ANKRD35: variants seen among roughly 807,000 people sequenced by gnomAD.
The protein encoded by ANKRD35 is ankyrin repeat domain 35.
Under a neutral mutation model 109.9 loss-of-function variants are expected in ANKRD35, and 102 were observed. That is an observed-to-expected ratio of 0.93 (90% CI 0.79 to 1.09). ANKRD35 has a LOEUF of 1.09. Ranked by LOEUF, ANKRD35 falls within the 50% of genes least tolerant of loss-of-function variation. The probability of loss-of-function intolerance (pLI) is 0.00; values close to 1 mark genes in which losing one functional copy is unlikely to be tolerated. For missense variants in ANKRD35, 1,240 were observed against 1,230.1 expected (o/e 1.01, Z -0.12); for synonymous variants, 515 against 512.4 (o/e 1.01, Z -0.07).
In ANKRD35 at chr1:145,885,712, G is replaced by C; in HGVS notation, c.39+8C>G. 1 of 1,614,046 alleles carries C rather than the reference G, an allele frequency of 6.2e-7. No homozygotes were observed. The highest frequency in any genetic ancestry group is 2.2e-5 in the East Asian group (1 of 44,874). ...CAACCCCATCCTCCCACACATTTTG[G>C]CACCTACCGCCACCTGTGTGCTGGA... On this transcript the variant is annotated splice_region_variant and intron_variant, in intron 1 of 13. Transcript: ENST00000355594.
At chr1:145,885,569 A>C in intron 1 of ANKRD35, 151 bp downstream of exon 1, 1 of 906,750 alleles carries the variant, frequency 1.1e-6, no homozygotes, top group Non-Finnish European at 1.8e-6. Context: ...GTCTTGAGGA[A>C]GGCAAAGCTG....
In ANKRD35 at chr1:145,873,666, C is replaced by T. The variant is rs1192713242; in HGVS notation, c.1103G>A (p.Gly368Asp). 3 of 1,614,030 alleles carry T rather than the reference C, an allele frequency of 1.9e-6. No individual in the cohort carries two copies. The highest frequency in any genetic ancestry group is 2.5e-6 in the Non-Finnish European group (3 of 1,180,044). ...QGSSLRPGGDGMEQGCPKDLL... is the reference protein window; with the variant it reads ...QGSSLRPGGDDMEQGCPKDLL... ...GTCCTTAGGACAACCCTGCTCCATG[C>T]CATCCCCTCCAGGCCGGAGACTAGA... is the stretch of plus-strand genomic sequence containing the variant. The change falls in exon 10 of 14, where the codon GGC (glycine) becomes GAC (aspartate). Residue 368 changes from glycine to aspartate, a missense_variant. Coordinates refer to ENST00000355594, the MANE Select transcript of ANKRD35 (RefSeq NM_144698.5).
chr1:145,882,030 C>T (rs1456237092), intron 1 of ANKRD35, among the ~76,000 whole-genome samples: 2 of 143,506 alleles, frequency 1.4e-5, no homozygotes, highest in African/African-American at 5.2e-5. Context: ...TCTCGGCTCA[C>T]TGCAACCTCC....
chr1:145,874,307 A>C, intron 8 of ANKRD35, 115 bp from the exon 9 acceptor site: 22 of 1,126,124 alleles, frequency 2.0e-5, no homozygotes, highest in Non-Finnish European at 2.5e-5. Flanking sequence ...GATCAATCTC[A>C]CTGCACATCT....
intron 10 of ANKRD35, 136 bp from the exon 11 acceptor site, chr1:145,868,536 GCTTTT>G: frequency 2.8e-6 from 2 of 702,890 alleles, no homozygotes; most frequent in Non-Finnish European, 4.8e-6. Context: ...ACTCAAAACA[GCTTTT>G]CTTCTGTGTG....
Position 145,874,141 on chromosome 1 carries a change from A to G in ANKRD35, c.783+14T>C. 9 of 1,614,150 alleles carry G rather than the reference A, an allele frequency of 5.6e-6. No homozygotes were observed. The highest frequency in any genetic ancestry group is 6.8e-6 in the Non-Finnish European group (8 of 1,179,980). ...TGTGTCAAAAGCAAAAGGGGGAGGC[A>G]CTTAGGGTCTTACCTGGGATGCGAG... is the stretch of plus-strand genomic sequence containing the variant. On this transcript the variant is annotated intron_variant, in intron 9 of 13. Transcript: ENST00000355594.
intron 1 of ANKRD35, among the ~76,000 whole-genome samples, chr1:145,882,681 G>A (rs147231610): frequency 6.6e-6 from 1 of 152,186 alleles, no homozygotes; most frequent in East Asian, 1.9e-4. Flanking sequence ...TTTAGAATGG[G>A]TAGAAACTTT....
At chr1:145,870,862 G>T (rs1172426792) in intron 10 of ANKRD35, among the ~76,000 whole-genome samples, 6 of 152,006 alleles carry the variant, frequency 3.9e-5, no homozygotes, top group Non-Finnish European at 7.4e-5. Flanking sequence ...GGGATTACAG[G>T]CACATGCCAC....
In ANKRD35 at chr1:145,878,440, C is replaced by T. The variant is rs1156439827; in HGVS notation, c.210G>A (p.Leu70=). The change falls in exon 3 of 14, where the codon CTG becomes CTA. Residue 70 remains leucine (L), a synonymous_variant. Coordinates refer to ENST00000355594, the MANE Select transcript of ANKRD35 (RefSeq NM_144698.5). The part of the protein sequence containing the change: ...LAASKGLTEC[L]TILLANGADI... ...CAGCCCCATTTGCAAGCAGGATAGTCAGACATTCTGTCAGGCCTTTGGAGG... is the reference window on the plus strand; with the variant it reads ...CAGCCCCATTTGCAAGCAGGATAGTTAGACATTCTGTCAGGCCTTTGGAGG... The T allele has an allele frequency of 6.4e-7, 1 of 1,573,254 alleles. No homozygotes were observed. The highest frequency in any genetic ancestry group is 8.6e-7 in the Non-Finnish European group (1 of 1,158,214).
intron 4 of ANKRD35, among the ~76,000 whole-genome samples, 196 bp downstream of exon 4, chr1:145,877,772 C>A (rs1257977534): frequency 6.6e-6 from 1 of 152,182 alleles, no homozygotes; most frequent in Non-Finnish European, 1.5e-5. Context: ...ATAACCTGCC[C>A]TCAAAGGCAC....
intron 10 of ANKRD35, among the ~76,000 whole-genome samples, chr1:145,869,724 C>T (rs1160872542): frequency 1.3e-5 from 2 of 152,206 alleles, no homozygotes; most frequent in African/African-American, 4.8e-5. Flanking sequence ...CCACCTTGGC[C>T]TCCCAAAGTG....
chr1:145,873,853 G>T lies in ANKRD35; in HGVS notation c.916C>A (p.Arg306=), dbSNP rs368255162. The change falls in exon 10 of 14, where the codon CGG becomes AGG. Residue 306 remains arginine, a synonymous_variant. Coordinates refer to ENST00000355594, the MANE Select transcript of ANKRD35 (RefSeq NM_144698.5). ...TGCTCCAGCCGAACAACTTTCCTCCGCTCCTCTTCATACTTCCACCTCCAC... is the reference window on the plus strand; with the variant it reads ...TGCTCCAGCCGAACAACTTTCCTCCTCTCCTCTTCATACTTCCACCTCCAC... ...EEWRWKYEEE[R]RKVVRLEQEL... The T allele has an allele frequency of 5.6e-6, 9 of 1,612,874 alleles. No homozygotes were observed. The highest frequency in any genetic ancestry group is 7.6e-6 in the Non-Finnish European group (9 of 1,179,426).
chr1:145,883,581 CT>C (rs1180841065), intron 1 of ANKRD35, among the ~76,000 whole-genome samples: 1 of 152,222 alleles, frequency 6.6e-6, no homozygotes, highest in African/African-American at 2.4e-5. Flanking sequence ...ATGATCACTG[CT>C]TTTTCAGTCC....
chr1:145,878,564 G>T, intron 2 of ANKRD35, 85 bp from the exon 3 acceptor site: 2 of 1,282,074 alleles, frequency 1.6e-6, no homozygotes, highest in South Asian at 1.3e-5. Flanking sequence ...TTCTTGCTAT[G>T]CTCCCTACCC....
At chr1:145,875,296 C>T (rs1654026429) in intron 7 of ANKRD35, among the ~76,000 whole-genome samples, 1 of 151,890 alleles carries the variant, frequency 6.6e-6, no homozygotes, top group Non-Finnish European at 1.5e-5. Flanking sequence ...CAGGCATGCA[C>T]CACCACACCC....
At chr1:145,867,864 C>G in intron 12 of ANKRD35, 127 bp downstream of exon 12, 1 of 865,632 alleles carries the variant, frequency 1.2e-6, no homozygotes, top group East Asian at 2.5e-5. Context: ...AGACCTAGCA[C>G]TGGATCCAGC....
At chr1:145,885,319 C>A (rs1654437730) in intron 1 of ANKRD35, among the ~76,000 whole-genome samples, 1 of 151,918 alleles carries the variant, frequency 6.6e-6, no homozygotes, top group South Asian at 2.1e-4. Flanking sequence ...GGCTCTGGGG[C>A]ATGACTTGGT....
intron 3 of ANKRD35, 35 bp downstream of exon 3, chr1:145,878,356 G>A (rs1553740511): frequency 1.3e-6 from 2 of 1,545,696 alleles, no homozygotes; most frequent in Admixed American, 2.0e-5. Context: ...CCAGGGGCAA[G>A]CAAGCAGCGT....
chr1:145,878,904 A>G (rs1293523081), intron 2 of ANKRD35, among the ~76,000 whole-genome samples: 7 of 152,186 alleles, frequency 4.6e-5, no homozygotes, highest in African/African-American at 1.7e-4. Flanking sequence ...TGTGACTCCC[A>G]TGCTACCACT....
Sources: allele counts gnomAD v4.1 joint callset (sites outside exome capture counted in the v4.1 genomes callset), GRCh38; gene constraint gnomAD v4.1.1; transcripts MANE v1.5; gene names NCBI Gene and HGNC (gene_info 2026-07-23, HGNC 2026-07-21).